Variants in RASGRF2 observed in about 807,000 individuals in gnomAD.
RASGRF2 encodes ras-specific guanine nucleotide-releasing factor 2.
Under a neutral mutation model 151.0 loss-of-function variants are expected in RASGRF2, and 76 were observed. The observed-to-expected ratio is 0.50, with a 90% CI of 0.42 to 0.61. The LOEUF is 0.61. Ranked by LOEUF, RASGRF2 falls within the 20% of genes least tolerant of loss-of-function variation. RASGRF2 has a pLI of 0.00. For synonymous variants in RASGRF2, 504 were observed against 566.5 expected, an observed-to-expected ratio of 0.89 and a Z score of 1.57; for missense variants, 1,148 against 1,564.6, an observed-to-expected ratio of 0.73 and a Z score of 4.49.
intron 5 of RASGRF2, among the ~76,000 whole-genome samples, chr5:81,077,570 G>A (rs1009818813): frequency 2.6e-5 from 4 of 152,202 alleles, no homozygotes; most frequent in Admixed American, 2.0e-4. Context: ...GAAGGAGGGA[G>A]ATTTCCCCAC....
chr5:80,962,445 T>C (rs539122282), intron 1 of RASGRF2, among the ~76,000 whole-genome samples: 1 of 152,236 alleles, frequency 6.6e-6, no homozygotes, highest in Non-Finnish European at 1.5e-5. Context: ...TTTTTTAAGG[T>C]ATGTGTTCCA....
chr5:80,994,696 G>T (rs931010299), intron 1 of RASGRF2, among the ~76,000 whole-genome samples: 2 of 152,202 alleles, frequency 1.3e-5, no homozygotes, highest in Non-Finnish European at 2.9e-5. Context: ...ATTCACTGAT[G>T]TGAGAGCTTG....
intron 1 of RASGRF2, among the ~76,000 whole-genome samples, chr5:81,041,963 A>G (rs897866410): frequency 1.3e-5 from 2 of 152,098 alleles, no homozygotes; most frequent in African/African-American, 2.4e-5. Flanking sequence ...TTTGAGACTG[A>G]CTTTTCTATT....
rs552575615 is a variant in RASGRF2 at position 80,970,385 on chromosome 5, A to G, written c.288+9359A>G. On this transcript the variant is annotated intron_variant, in intron 1 of 26. Transcript: ENST00000265080. ...ACTAGAGTTGTCTTGAATAATGATC[A>G]CCTCTGAGTGTTGAGGGGAACAGTG... Among the ~76,000 whole-genome samples, 5 of 152,240 alleles carry G rather than the reference A, an allele frequency of 3.3e-5. No homozygotes were observed. In the South Asian group the frequency reaches 1.0e-3, roughly 32 times the overall value.
intron 1 of RASGRF2, among the ~76,000 whole-genome samples, chr5:80,995,205 G>A (rs1286204443): frequency 2.1e-5 from 3 of 145,932 alleles, no homozygotes; most frequent in East Asian, 2.0e-4. Flanking sequence ...GCAGTGAGCC[G>A]AGATCGCGCC....
chr5:81,179,372 T>G (rs1754859635), intron 17 of RASGRF2, among the ~76,000 whole-genome samples: 1 of 152,208 alleles, frequency 6.6e-6, no homozygotes, highest in African/African-American at 2.4e-5. Context: ...ACGCTTATTA[T>G]CTCATGAGGA....
Position 81,092,947 on chromosome 5 carries a change from C to T in RASGRF2, c.1537C>T (p.Leu513Phe), listed in dbSNP as rs758831230. The change falls in exon 10 of 27, where the codon CTT becomes TTT. Residue 513 changes from leucine to phenylalanine, a missense_variant. Physicochemically the swap from Leu to Phe is conservative, Grantham distance 22 (BLOSUM62 0). Transcript: ENST00000265080. ...ATGTACAAGAAGTTCAGGAGGGAAGCTTCATCTGCTCAAGGTACTGGTTTT... is the reference window on the plus strand; with the variant it reads ...ATGTACAAGAAGTTCAGGAGGGAAGTTTCATCTGCTCAAGGTACTGGTTTT... ...LICTRSSGGKLHLLKTGGVLS... is the reference protein window; with the variant it reads ...LICTRSSGGKFHLLKTGGVLS... 23 of 1,611,402 alleles carry T rather than the reference C, an allele frequency of 1.4e-5. No individual in the cohort carries two copies. The highest frequency in any genetic ancestry group is 2.7e-5 in the African/African-American group (2 of 74,866).
intron 3 of RASGRF2, among the ~76,000 whole-genome samples, chr5:81,068,681 T>C (rs1751686420): frequency 6.6e-6 from 1 of 152,162 alleles, no homozygotes; most frequent in Admixed American, 6.5e-5. Flanking sequence ...CTAGGGTGCA[T>C]TTTTCCCTGG....
intron 1 of RASGRF2, among the ~76,000 whole-genome samples, chr5:80,994,298 C>G (rs6871395): frequency 1.6e-4 from 24 of 146,856 alleles, no homozygotes; most frequent in South Asian, 1.3e-3. Flanking sequence ...CCTGGGGGGC[C>G]GAGCTTGCAG....
At chr5:81,041,169 G>A (rs1430946238) in intron 1 of RASGRF2, among the ~76,000 whole-genome samples, 2 of 152,058 alleles carry the variant, frequency 1.3e-5, no homozygotes, top group African/African-American at 2.4e-5. Context: ...AGGCGTGGTG[G>A]CACATGCCTG....
At chr5:80,984,730 TAGA>T (rs1748423445) in intron 1 of RASGRF2, among the ~76,000 whole-genome samples, 1 of 152,198 alleles carries the variant, frequency 6.6e-6, no homozygotes, top group Non-Finnish European at 1.5e-5. Context: ...GTAGGCTCAT[TAGA>T]ATGTTGTCAT....
chr5:80,988,963 A>G (rs1266376881), intron 1 of RASGRF2, among the ~76,000 whole-genome samples: 1 of 152,122 alleles, frequency 6.6e-6, no homozygotes, highest in Non-Finnish European at 1.5e-5. Flanking sequence ...GAGCATCAGA[A>G]AGTTGAGCAT....
intron 1 of RASGRF2, among the ~76,000 whole-genome samples, chr5:80,989,036 G>A (rs1748564342): frequency 6.6e-6 from 1 of 151,482 alleles, no homozygotes; most frequent in Non-Finnish European, 1.5e-5. Context: ...GGTGTGCAGT[G>A]GTGCAATCTT....
chr5:81,129,682 CAG>C (rs1206954609), intron 17 of RASGRF2, among the ~76,000 whole-genome samples: 1 of 152,154 alleles, frequency 6.6e-6, no homozygotes, highest in African/African-American at 2.4e-5. Flanking sequence ...CCTTCTGTAA[CAG>C]TCAACATTTT....
chr5:81,026,753 A>G (rs1175002887), intron 1 of RASGRF2, among the ~76,000 whole-genome samples: 1 of 150,066 alleles, frequency 6.7e-6, no homozygotes, highest in Non-Finnish European at 1.5e-5. Flanking sequence ...TTAAGGGCGA[A>G]AAAAAAAGCA....
intron 2 of RASGRF2, among the ~76,000 whole-genome samples, chr5:81,063,971 G>A (rs1461774490): frequency 6.6e-6 from 1 of 151,998 alleles, no homozygotes; most frequent in African/African-American, 2.4e-5. Flanking sequence ...GGCTGTGTTT[G>A]TTATCTCTTG....
intron 23 of RASGRF2, among the ~76,000 whole-genome samples, chr5:81,212,915 G>A (rs1755657779): frequency 6.6e-6 from 1 of 152,050 alleles, no homozygotes; most frequent in Admixed American, 6.5e-5. Context: ...AACTCTGTGG[G>A]GCCAAAAGCC....
At chr5:81,043,832 G>A (rs1335189991) in intron 2 of RASGRF2, among the ~76,000 whole-genome samples, 1 of 152,100 alleles carries the variant, frequency 6.6e-6, no homozygotes. Flanking sequence ...CCATCTGTCT[G>A]TTCCTCCCTC....
At chr5:81,085,662 T>G in intron 7 of RASGRF2, 140 bp from the exon 8 acceptor site, 1 of 1,345,224 alleles carries the variant, frequency 7.4e-7, no homozygotes, top group South Asian at 1.7e-5. Context: ...TTTATTTGTA[T>G]TTCTTTTTTA....
Sources: allele counts gnomAD v4.1 joint callset (sites outside exome capture counted in the v4.1 genomes callset), GRCh38; gene constraint gnomAD v4.1.1; transcripts MANE v1.5; gene names NCBI Gene and HGNC (gene_info 2026-07-23, HGNC 2026-07-21).